Variants in PLAC9 observed in about 807,000 individuals in gnomAD.
PLAC9 encodes the protein placenta-specific protein 9.
PLAC9 carries 12 observed loss-of-function variants against 11.5 expected under a neutral mutation model. The ratio of observed to expected loss-of-function variants is 1.05; its 90% confidence interval spans 0.67 to 1.69. PLAC9 has a LOEUF of 1.69. PLAC9 is among the 40% of genes most tolerant of loss of function. The probability of loss-of-function intolerance (pLI) is 0.00; values close to 1 mark genes in which losing one functional copy is unlikely to be tolerated. For synonymous variants in PLAC9, 62 were observed against 58.1 expected (o/e 1.07, Z -0.31); for missense variants, 132 against 130.5 (o/e 1.01, Z -0.06).
At chr10:80,135,997 T>C (rs1207346330) in intron 1 of PLAC9, among the ~76,000 whole-genome samples, 1 of 152,196 alleles carries the variant, frequency 6.6e-6, no homozygotes, top group African/African-American at 2.4e-5. Context: ...ACCCCCAGCA[T>C]GCAGAAATCA....
At position 80,144,989 on chromosome 10, in the gene PLAC9, C is replaced by T. The variant is rs201030090; in HGVS notation, c.*79C>T. On this transcript the variant is annotated 3_prime_UTR_variant, in exon 4 of 4. Transcript: ENST00000372263. ...CACAGAACCAGCCCTGTCCTCTCGACTTCCTTCCTTAGCTTCATGTGAAAT... is the reference window on the plus strand; with the variant it reads ...CACAGAACCAGCCCTGTCCTCTCGATTTCCTTCCTTAGCTTCATGTGAAAT... 3,655 of 1,501,304 alleles carry T rather than the reference C, an allele frequency of 2.4e-3. 5 individuals are homozygous for T. The highest frequency in any genetic ancestry group is 3.1e-3 in the Non-Finnish European group (3,413 of 1,100,404). 93.0% of individuals were successfully genotyped at this position (1,501,304 alleles called of 1,614,324 possible). A position where few individuals can be genotyped will look rare whatever the true frequency, so the allele number is the denominator to read the frequency against.
chr10:80,133,630 G>A (rs1009822598), intron 1 of PLAC9, among the ~76,000 whole-genome samples: 1 of 152,142 alleles, frequency 6.6e-6, no homozygotes, highest in African/African-American at 2.4e-5. Context: ...AGAGCTGTGC[G>A]GAGGAGAGAG....
Position 80,142,065 on chromosome 10 carries a change from G to A in PLAC9, c.65-17G>A. ...AAAACTAAGGGTCCCACAGTGACAA[G>A]ACTTGTTTTCCCACAGCTGCCGAAC... On this transcript the variant is annotated splice_polypyrimidine_tract_variant and intron_variant, in intron 1 of 3. Transcript: ENST00000372263. The A allele has an allele frequency of 6.3e-7, 1 of 1,599,476 alleles. No homozygotes were observed. Among genetic ancestry groups the A allele is most frequent in the South Asian group, 1.1e-5 (1 of 90,098 alleles).
rs1845090848 is a variant in PLAC9, at chr10:80,145,317, AT to A, written c.*411del. 1 of 302,870 alleles carries A rather than the reference AT, an allele frequency of 3.3e-6. No homozygotes were observed. The highest frequency in any genetic ancestry group is 6.1e-6 in the Non-Finnish European group (1 of 163,804). The allele number at this position is 302,870 out of a possible 1,614,324, so 18.8% of individuals were successfully genotyped here. The stretch of plus-strand genomic sequence containing the variant: ...CTGCATTGCAATGAGACCCCCAGGG[AT>A]TTTATGTGTCCATTAAAGTGGTTTG... On this transcript the variant is annotated 3_prime_UTR_variant, in exon 4 of 4. Transcript: ENST00000372263.
chr10:80,142,288 C>A, intron 2 of PLAC9, 109 bp downstream of exon 2: 1 of 901,540 alleles, frequency 1.1e-6, no homozygotes. Context: ...CCGGGCCGAT[C>A]CTGCCCTGTG....
At chr10:80,142,559 G>A (rs2789648) in intron 2 of PLAC9, among the ~76,000 whole-genome samples, 67,118 of 151,750 alleles carry the variant, frequency 0.44, 16,290 homozygotes, top group Admixed American at 0.6. Flanking sequence ...ACAGCGAGCC[G>A]TGGTATTAAC....
chr10:80,139,307 C>G (rs1276071669), intron 1 of PLAC9, among the ~76,000 whole-genome samples: 3 of 152,182 alleles, frequency 2.0e-5, no homozygotes, highest in Admixed American at 6.5e-5. Flanking sequence ...GACCTCCAGT[C>G]TCTTCAGCCC....
Position 80,142,250 on chromosome 10 carries a change from G to A in PLAC9, c.162+71G>A, listed in dbSNP as rs1845049515. The A allele has an allele frequency of 3.9e-6, 5 of 1,296,728 alleles. No homozygotes were observed. The Admixed American group carries it at 7.6e-5, about 20-fold the overall frequency. The allele number at this position is 1,296,728 out of a possible 1,614,324, so 80.3% of individuals were successfully genotyped here. ...TAGGATGGTGTTTTTATGGGCAGAT[G>A]CAAGCTTGCTTTGGAATGTGAGGAC... On this transcript the variant is annotated intron_variant, in intron 2 of 3. Transcript: ENST00000372263.
chr10:80,145,320 TTA>T lies in PLAC9; in HGVS notation c.*412_*413del, dbSNP rs1412175949. ...CATTGCAATGAGACCCCCAGGGATT[TTA>T]TGTGTCCATTAAAGTGGTTTGTTGT... On this transcript the variant is annotated 3_prime_UTR_variant, in exon 4 of 4. Coordinates refer to ENST00000372263, the MANE Select transcript of PLAC9 (RefSeq NM_001012973.3). The T allele has an allele frequency of 1.7e-5, 5 of 299,952 alleles. No homozygotes were observed. The highest frequency in any genetic ancestry group is 9.0e-5 in the African/African-American group (4 of 44,412). 18.6% of individuals were successfully genotyped at this position (299,952 alleles called of 1,614,324 possible). A position where few individuals can be genotyped will look rare whatever the true frequency, so the allele number is the denominator to read the frequency against.
At chr10:80,142,207 G>A (rs551030285) in intron 2 of PLAC9, 28 bp downstream of exon 2, 21 of 1,561,700 alleles carry the variant, frequency 1.3e-5, no homozygotes, top group African/African-American at 5.4e-5. Flanking sequence ...AAGGACATGC[G>A]AGTTCAGGAC....
chr10:80,143,409 T>C (rs1845063727), intron 2 of PLAC9, among the ~76,000 whole-genome samples: 2 of 134,464 alleles, frequency 1.5e-5, no homozygotes. Flanking sequence ...TTTTTTTTTT[T>C]TTTTTTGAGG....
chr10:80,140,949 G>A (rs752432133), intron 1 of PLAC9, among the ~76,000 whole-genome samples: 11 of 152,142 alleles, frequency 7.2e-5, no homozygotes, highest in Non-Finnish European at 1.2e-4. Flanking sequence ...CTCTGCTTAT[G>A]AGTAGTGACT....
At chr10:80,140,204 T>G (rs1277499705) in intron 1 of PLAC9, among the ~76,000 whole-genome samples, 2 of 149,086 alleles carry the variant, frequency 1.3e-5, no homozygotes, top group Admixed American at 6.9e-5. Context: ...AGCATGATTG[T>G]GTTTTCCAAT....
At chr10:80,137,341 C>G (rs1380227499) in intron 1 of PLAC9, among the ~76,000 whole-genome samples, 1 of 152,206 alleles carries the variant, frequency 6.6e-6, no homozygotes, top group Non-Finnish European at 1.5e-5. Flanking sequence ...TCCAAAGCAG[C>G]CAGACTCCCA....
At chr10:80,137,674 G>A (rs1844995726) in intron 1 of PLAC9, among the ~76,000 whole-genome samples, 1 of 152,156 alleles carries the variant, frequency 6.6e-6, no homozygotes, top group Admixed American at 6.5e-5. Flanking sequence ...CAGCACTTTG[G>A]GAGGCCGAGA....
intron 1 of PLAC9, among the ~76,000 whole-genome samples, chr10:80,141,206 T>A (rs2819876): frequency 6.6e-6 from 1 of 151,866 alleles, no homozygotes; most frequent in African/African-American, 2.4e-5. Context: ...CCTCTTATCC[T>A]GATTGCTGCA....
chr10:80,134,650 A>G (rs1844952753), intron 1 of PLAC9, among the ~76,000 whole-genome samples: 1 of 152,156 alleles, frequency 6.6e-6, no homozygotes, highest in Non-Finnish European at 1.5e-5. Context: ...CAATGCTATG[A>G]TCATACTCCA....
intron 2 of PLAC9, among the ~76,000 whole-genome samples, chr10:80,142,750 T>C (rs1197649809): frequency 3.9e-5 from 6 of 152,168 alleles, no homozygotes; most frequent in Non-Finnish European, 5.9e-5. Context: ...GCAGGGTCTC[T>C]GTCTGTCTAC....
In PLAC9 at chr10:80,139,807, C is replaced by G. The variant is rs111713203; in HGVS notation, c.65-2275C>G. On this transcript the variant is annotated intron_variant, in intron 1 of 3. Transcript: ENST00000372263. ...GTCTCACTATGTTGATCAGGCTGGT[C>G]TTGAACTCCTGGCCTCAAGCGACCC... Among the ~76,000 whole-genome samples the G allele has an allele frequency of 1.3e-3, 198 of 151,828 alleles. 1 individual carries two copies. Among genetic ancestry groups the G allele is most frequent in the African/African-American group, 4.4e-3 (181 of 41,384 alleles).
Sources: allele counts gnomAD v4.1 joint callset (sites outside exome capture counted in the v4.1 genomes callset), GRCh38; gene constraint gnomAD v4.1.1; transcripts MANE v1.5; gene names NCBI Gene and HGNC (gene_info 2026-07-23, HGNC 2026-07-21).